Variants in RGS3 observed in about 807,000 individuals in gnomAD.
RGS3 encodes the protein regulator of G-protein signalling 3.
Under a neutral mutation model 132.6 loss-of-function variants are expected in RGS3, and 80 were observed. The ratio of observed to expected loss-of-function variants is 0.60; its 90% CI spans 0.50 to 0.73. The LOEUF is 0.73. Among genes scored for constraint, RGS3 ranks in the 30% least tolerant of loss-of-function variants. RGS3 has a pLI of 0.00. For missense variants in RGS3, 1,382 were observed against 1,530.8 expected, an observed-to-expected ratio of 0.90 and a Z score of 1.62; for synonymous variants, 598 against 620.6, an observed-to-expected ratio of 0.96 and a Z score of 0.54.
chr9:113,573,239 A>C (rs1372484459), intron 19 of RGS3, among the ~76,000 whole-genome samples: 1 of 152,236 alleles, frequency 6.6e-6, no homozygotes, highest in African/African-American at 2.4e-5. Context: ...GTTGTTCATC[A>C]GCAATAGGCT....
exon 24 of RGS3, chr9:113,595,745 G>A (rs778111494): frequency 3.1e-5 from 50 of 1,613,882 alleles, no homozygotes; most frequent in Non-Finnish European, 3.6e-5. Context: ...TGAATACATC[G>A]CGATCCAGGC....
At chr9:113,483,093 T>A in exon 5 of RGS3, 3 of 1,613,288 alleles carry the variant, frequency 1.9e-6, no homozygotes, top group Non-Finnish European at 2.5e-6. Context: ...GCAAACAGCC[T>A]GGCACCTGTG....
intron 10 of RGS3, 30 bp downstream of exon 8, chr9:113,498,110 C>G (rs766618095): frequency 6.8e-6 from 11 of 1,608,110 alleles, no homozygotes; most frequent in Non-Finnish European, 8.5e-6. Context: ...GGCATTGCTC[C>G]AGGAGCTGGA....
intron 19 of RGS3, among the ~76,000 whole-genome samples, chr9:113,572,161 G>C (rs960256358): frequency 6.6e-6 from 1 of 152,124 alleles, no homozygotes; most frequent in Non-Finnish European, 1.5e-5. Context: ...ACGGTGTGGT[G>C]GAGAGGTTGG....
At chr9:113,493,144 C>A (rs1830573790) in intron 7 of RGS3, among the ~76,000 whole-genome samples, 1 of 152,186 alleles carries the variant, frequency 6.6e-6, no homozygotes, top group Admixed American at 6.5e-5. Context: ...CTTGCCAAGG[C>A]TTTTCTGGAA....
chr9:113,541,256 C>A lies in RGS3; in HGVS notation c.2037+4338C>A. 2.6e-6 allele frequency: 4 copies of A among 1,552,662 alleles called. No individual in the cohort carries two copies. In the South Asian group the frequency reaches 4.8e-5, roughly 19 times the overall value. On this transcript the variant is annotated intron_variant, in intron 19 of 24. Transcript: ENST00000350696. Reference sequence around the variant, plus strand: ...CCTTAGAAAGGAACAGAGGCAGGTCCTGCAGTCAGGCAGCCCGGCCTGAGT... The same window carrying A: ...CCTTAGAAAGGAACAGAGGCAGGTCATGCAGTCAGGCAGCCCGGCCTGAGT...
At chr9:113,561,796 T>TGGGCTGTAGGGGAGC (rs1196484785) in intron 19 of RGS3, among the ~76,000 whole-genome samples, 75 of 152,262 alleles carry the variant, frequency 4.9e-4, no homozygotes, top group Non-Finnish European at 7.4e-4. Context: ...CACTGTGGTG[T>TGGGCTGTAGGGGAGC]GGGCTGTAGG....
chr9:113,489,206 G>T (rs1830431053), intron 7 of RGS3, among the ~76,000 whole-genome samples: 2 of 152,264 alleles, frequency 1.3e-5, no homozygotes, highest in Admixed American at 1.3e-4. Flanking sequence ...ACTGTGTGTG[G>T]ACATTAAGCA....
rs576097927 is a variant in RGS3, at chr9:113,544,167, G to T, written c.2037+7249G>T. On this transcript the variant is annotated intron_variant, in intron 19 of 24. Coordinates refer to ENST00000350696, the Ensembl canonical transcript of RGS3. ...CTGATGGGCTAATTGTCTTGGTTTG[G>T]TGTCTCAGGCCCAGGAGCTGGGAAG... Among the ~76,000 whole-genome samples the T allele has an allele frequency of 3.3e-5, 5 of 152,278 alleles. No individual in the cohort carries two copies. In the East Asian group the frequency reaches 7.7e-4, roughly 23 times the overall value.
chr9:113,480,458 C>CAAAAAAAA (rs755925249), intron 4 of RGS3, among the ~76,000 whole-genome samples: 1 of 65,894 alleles, frequency 1.5e-5, no homozygotes, highest in African/African-American at 6.1e-5. Flanking sequence ...GACTCCGTCT[C>CAAAAAAAA]AAAAAAAAAA....
intron 19 of RGS3, chr9:113,541,200 A>G: frequency 2.0e-6 from 2 of 1,001,784 alleles, no homozygotes; most frequent in Non-Finnish European, 2.9e-6. Flanking sequence ...GCCACTAGAG[A>G]CAGCCCTGGA....
At chr9:113,564,308 C>T (rs552387796) in intron 19 of RGS3, among the ~76,000 whole-genome samples, 1 of 152,336 alleles carries the variant, frequency 6.6e-6, no homozygotes, top group African/African-American at 2.4e-5. Flanking sequence ...CTCCCCTCCT[C>T]ACAAGCTGCT....
Position 113,591,056 on chromosome 9 carries a change from T to C in RGS3, c.3016-277T>C, listed in dbSNP as rs1835395980. 6.6e-6 allele frequency among the ~76,000 whole-genome samples: 1 copy of C among 152,354 alleles called. No homozygotes were observed. The highest frequency in any genetic ancestry group is 6.5e-5 in the Admixed American group (1 of 15,306). On this transcript the variant is annotated intron_variant, in intron 20 of 24. Coordinates refer to ENST00000350696, the Ensembl canonical transcript of RGS3. This position sits in a 1 kb window ranked among gnomAD's most constrained non-coding sequence, Gnocchi z 4.4. ...CTCACTGCCTGCAATGAAGCCTCTGTCCTGAGTGCCAGCCGTCTGGCTTCT... is the reference window on the plus strand; with the variant it reads ...CTCACTGCCTGCAATGAAGCCTCTGCCCTGAGTGCCAGCCGTCTGGCTTCT...
Position 113,463,911 on chromosome 9 carries a change from GC to G in RGS3, c.415+1711del. The G allele has an allele frequency of 6.2e-7, 1 of 1,609,790 alleles. No individual in the cohort carries two copies. Among genetic ancestry groups the G allele is most frequent in the Admixed American group, 1.7e-5 (1 of 59,804 alleles). On this transcript the variant is annotated intron_variant, in intron 3 of 24. Coordinates refer to ENST00000350696, the Ensembl canonical transcript of RGS3. The surrounding 1 kb of genome is among the most constrained non-coding windows in gnomAD (Gnocchi z 4.6). The stretch of plus-strand genomic sequence containing the variant: ...GTGCCCGCTGGGGCTGGCGGCAGGG[GC>G]TGCTTCACCCTGCTCCCAGCGCCCA...
In RGS3 at chr9:113,537,042, C is replaced by G. The variant is rs966676676; in HGVS notation, c.2037+124C>G. The stretch of plus-strand genomic sequence containing the variant: ...TTCCAACTTGGCTCTGGGCAATGAG[C>G]TCTTGGCAAGCGGGGACCTGTGCCC... On this transcript the variant is annotated intron_variant, in intron 19 of 24. Coordinates refer to ENST00000350696, the Ensembl canonical transcript of RGS3. This position sits in a 1 kb window ranked among gnomAD's most constrained non-coding sequence, Gnocchi z 4.3. 9.2e-6 allele frequency: 8 copies of G among 873,660 alleles called. No homozygotes were observed. Among genetic ancestry groups the G allele is most frequent in the Non-Finnish European group, 1.2e-5 (7 of 570,886 alleles). 54.1% of individuals were successfully genotyped at this position (873,660 alleles called of 1,614,324 possible).
At chr9:113,466,195 C>T (rs1829637329) in intron 3 of RGS3, among the ~76,000 whole-genome samples, 1 of 152,206 alleles carries the variant, frequency 6.6e-6, no homozygotes, top group South Asian at 2.1e-4. Flanking sequence ...GTTTTGGTAG[C>T]AATTGGGACC....
intron 5 of RGS3, among the ~76,000 whole-genome samples, chr9:113,483,678 C>T (rs950799892): frequency 6.6e-6 from 1 of 152,198 alleles, no homozygotes; most frequent in African/African-American, 2.4e-5. Flanking sequence ...TGATCAGAAG[C>T]CCCTGCTGGC....
chr9:113,485,831 T>C, intron 7 of RGS3, 138 bp downstream of exon 5: 1 of 621,590 alleles, frequency 1.6e-6, no homozygotes, highest in South Asian at 1.9e-5. Context: ...TTGCAGAGGC[T>C]GCCCCTCCTT....
At chr9:113,445,245 T>G (rs1322594451) in intron 1 of RGS3, among the ~76,000 whole-genome samples, 1 of 152,070 alleles carries the variant, frequency 6.6e-6, no homozygotes, top group Non-Finnish European at 1.5e-5. Flanking sequence ...TTGCCTAGGC[T>G]GGAGTGCAAT....
Sources: allele counts gnomAD v4.1 joint callset (sites outside exome capture counted in the v4.1 genomes callset), GRCh38; gene constraint gnomAD v4.1.1; non-coding constraint Gnocchi (gnomAD v3.1); transcripts MANE v1.5; gene names NCBI Gene and HGNC (gene_info 2026-07-23, HGNC 2026-07-21).